The following JAML variants were observed in gnomAD, a reference collection of about 807,000 sequenced individuals.
JAML encodes junctional adhesion molecule-like.
A neutral mutation model predicts 39.3 loss-of-function variants in JAML; 25 were observed. The observed-to-expected ratio is 0.64, with a 90% confidence interval of 0.46 to 0.89. The LOEUF (loss-of-function observed/expected upper bound fraction) is 0.89. JAML is among the 40% of genes least tolerant of loss of function. JAML has a pLI of 0.00. For missense variants in JAML, 440 were observed against 486.9 expected (o/e 0.90, Z 0.91); for synonymous variants, 162 against 179.2 (o/e 0.90, Z 0.77).
rs748258922 is a variant in JAML at position 118,200,573 on chromosome 11, C to T, written c.812G>A (p.Gly271Asp). Reference sequence around the variant, plus strand: ...CACAATGATCACCAACTGATTACCACCCAAGACCAGAGGCCTCAGGGCTGC... The same window carrying T: ...CACAATGATCACCAACTGATTACCATCCAAGACCAGAGGCCTCAGGGCTGC... Reference protein sequence around the residue: ...TPAALRPLVLGGNQLVIIVGI... With the variant: ...TPAALRPLVLDGNQLVIIVGI... The change falls in exon 7 of 10, where the codon GGT (glycine) becomes GAT (aspartate). Residue 271 changes from glycine to aspartate, a missense_variant. Physicochemically the swap from Gly to Asp is moderately conservative, Grantham distance 94. Transcript: ENST00000356289. The T allele has an allele frequency of 9.3e-6, 15 of 1,614,168 alleles. No individual in the cohort carries two copies. The highest frequency in any genetic ancestry group is 4.5e-5 in the East Asian group (2 of 44,882).
intron 3 of JAML, among the ~76,000 whole-genome samples, chr11:118,211,169 T>G (rs541188602): frequency 6.6e-6 from 1 of 152,272 alleles, no homozygotes; most frequent in African/African-American, 2.4e-5. Flanking sequence ...TCTACCCTCC[T>G]CCCGGCAGCA....
chr11:118,203,392 A>C, intron 6 of JAML, 36 bp downstream of exon 6: 1 of 1,575,618 alleles, frequency 6.3e-7, no homozygotes, highest in Non-Finnish European at 8.7e-7. Context: ...ACCAGCCAGG[A>C]GGTCCCTCAA....
At chr11:118,223,268 A>G (rs899041192) in intron 1 of JAML, among the ~76,000 whole-genome samples, 1 of 152,156 alleles carries the variant, frequency 6.6e-6, no homozygotes, top group Non-Finnish European at 1.5e-5. Context: ...ATAAAAGCAC[A>G]CTGATGTAGG....
At chr11:118,221,654 T>C (rs1412664461) in intron 1 of JAML, among the ~76,000 whole-genome samples, 1 of 152,206 alleles carries the variant, frequency 6.6e-6, no homozygotes, top group Non-Finnish European at 1.5e-5. Context: ...CCAGTGCCAG[T>C]CTACTGCCCA....
chr11:118,206,145 T>C (rs930307883), intron 4 of JAML, among the ~76,000 whole-genome samples, 154 bp from the exon 5 acceptor site: 40 of 152,180 alleles, frequency 2.6e-4, no homozygotes, highest in African/African-American at 9.7e-4. Context: ...ACGAATTCCC[T>C]CTGTGGGTGA....
intron 4 of JAML, among the ~76,000 whole-genome samples, chr11:118,207,280 T>G (rs1948937764): frequency 6.6e-6 from 1 of 152,232 alleles, no homozygotes; most frequent in African/African-American, 2.4e-5. Flanking sequence ...AGACACCCTA[T>G]ACACAGTAGA....
At chr11:118,206,323 C>T (rs539342275) in intron 4 of JAML, among the ~76,000 whole-genome samples, 2 of 152,306 alleles carry the variant, frequency 1.3e-5, no homozygotes, top group South Asian at 4.2e-4. Flanking sequence ...TAATTCCTTT[C>T]TCTTTCCCCT....
Position 118,203,504 on chromosome 11 carries a change from G to A in JAML, c.696C>T (p.Tyr232=), listed in dbSNP as rs569338213. The change falls in exon 6 of 10, where the codon TAC becomes TAT. Residue 232 remains tyrosine (Y), a synonymous_variant. Coordinates refer to ENST00000356289, the MANE Select transcript of JAML (RefSeq NM_001098526.2). The stretch of plus-strand genomic sequence containing the variant: ...GGTTCCCTAGGTGGATACTGCAGGT[G>A]TAGTTTCCTCCATCTGACTCCCTCA... ...QGVRESDGGN[Y]TCSIHLGNLV... 5.6e-6 allele frequency: 9 copies of A among 1,614,194 alleles called. No homozygotes were observed. Among genetic ancestry groups the A allele is most frequent in the African/African-American group, 4.0e-5 (3 of 75,050 alleles).
At chr11:118,218,180 G>A (rs977794810) in intron 1 of JAML, among the ~76,000 whole-genome samples, 20 of 152,096 alleles carry the variant, frequency 1.3e-4, no homozygotes, top group Non-Finnish European at 2.8e-4. Flanking sequence ...CGCAACCTCC[G>A]CCTCTCGGGT....
intron 1 of JAML, among the ~76,000 whole-genome samples, chr11:118,220,600 C>T (rs1402422492): frequency 6.6e-6 from 1 of 152,178 alleles, no homozygotes; most frequent in Non-Finnish European, 1.5e-5. Flanking sequence ...AACTTGGCCT[C>T]CTCGATCTTT....
At chr11:118,209,811 T>A (rs1949007970) in intron 4 of JAML, among the ~76,000 whole-genome samples, 1 of 152,092 alleles carries the variant, frequency 6.6e-6, no homozygotes, top group Admixed American at 6.5e-5. Flanking sequence ...AGTGCTAGGA[T>A]TACAGGCATG....
intron 2 of JAML, chr11:118,213,376 T>C (rs1949098348): frequency 3.1e-6 from 3 of 982,988 alleles, no homozygotes; most frequent in Admixed American, 5.8e-5. Flanking sequence ...GAACAGAAAA[T>C]GTGCCAGTCT....
At chr11:118,201,227 G>A (rs1343624674) in intron 6 of JAML, 2 of 152,382 alleles carry the variant, frequency 1.3e-5, no homozygotes, top group Non-Finnish European at 2.9e-5. Flanking sequence ...TACAACAGAA[G>A]TCTGTATGGG....
rs540327786 is a variant in JAML at position 118,194,050 on chromosome 11, G to A, written c.*275C>T. The A allele has an allele frequency of 7.5e-6, 3 of 397,482 alleles. No individual in the cohort carries two copies. The highest frequency in any genetic ancestry group is 1.4e-5 in the Non-Finnish European group (3 of 211,804). 24.6% of individuals were successfully genotyped at this position (397,482 alleles called of 1,614,324 possible). On this transcript the variant is annotated 3_prime_UTR_variant, in exon 10 of 10. Transcript: ENST00000356289. ...CCACAGGAGGGTCTGATCCAACGGG[G>A]GGTTTGAGGCCACTCAGCTCAGCCT...
chr11:118,208,931 C>G (rs960094340), intron 4 of JAML: 1 of 175,568 alleles, frequency 5.7e-6, no homozygotes, highest in African/African-American at 2.4e-5. Context: ...TGATTTATTT[C>G]GGTATATATA....
chr11:118,212,693 T>C (rs1949086872), intron 2 of JAML, 132 bp from the exon 3 acceptor site: 4 of 1,504,498 alleles, frequency 2.7e-6, no homozygotes, highest in Non-Finnish European at 3.6e-6. Flanking sequence ...CTCGGAGGCA[T>C]GTTCAAAGGC....
chr11:118,211,114 C>T (rs976004012), intron 3 of JAML, among the ~76,000 whole-genome samples: 7 of 152,316 alleles, frequency 4.6e-5, no homozygotes, highest in Non-Finnish European at 5.9e-5. Flanking sequence ...GTGGTGTTGG[C>T]GTAAGAATTC....
Position 118,196,832 on chromosome 11 carries a change from A to T in JAML, c.1006-11T>A. 6.3e-7 allele frequency: 1 copy of T among 1,585,216 alleles called. No homozygotes were observed. Among genetic ancestry groups the T allele is most frequent in the Non-Finnish European group, 8.7e-7 (1 of 1,153,936 alleles). On this transcript the variant is annotated splice_polypyrimidine_tract_variant and intron_variant, in intron 8 of 9. Coordinates refer to ENST00000356289, the MANE Select transcript of JAML (RefSeq NM_001098526.2). ...GGAGTAAATGTGTTTCTAGAGGGGG[A>T]AAATGGTACAAAAATTCCTAAAAAT...
Position 118,197,920 on chromosome 11 carries a change from T to C in JAML, c.1005+78A>G, listed in dbSNP as rs12273495. ...CCTGCAAGCTGCGACATACAATGGG[T>C]AAGATATGGTTCCCGGGGGTATGAG... On this transcript the variant is annotated intron_variant, in intron 8 of 9. Coordinates refer to ENST00000356289, the MANE Select transcript of JAML (RefSeq NM_001098526.2). 3,131 of 1,316,352 alleles carry C rather than the reference T, an allele frequency of 2.4e-3. 65 individuals carry two copies. In the African/African-American group the frequency reaches 0.04, roughly 17 times the overall value. 81.5% of individuals were successfully genotyped at this position (1,316,352 alleles called of 1,614,324 possible).
Sources: allele counts gnomAD v4.1 joint callset (sites outside exome capture counted in the v4.1 genomes callset), GRCh38; gene constraint gnomAD v4.1.1; transcripts MANE v1.5; gene names NCBI Gene and HGNC (gene_info 2026-07-23, HGNC 2026-07-21).